GMEB2: variants seen among roughly 807,000 people sequenced by gnomAD.
GMEB2 encodes the protein glucocorticoid modulatory element binding protein 2.
A neutral mutation model predicts 45.7 loss-of-function variants in GMEB2; 7 were observed. That is an observed-to-expected ratio of 0.15 (90% confidence interval 0.09 to 0.29). GMEB2 has a LOEUF of 0.29. Among genes scored for constraint, GMEB2 ranks in the 10% least tolerant of loss-of-function variants. The pLI is 1.00. For synonymous variants in GMEB2, 322 were observed against 323.6 expected (o/e 1.00, Z 0.05); for missense variants, 582 against 739.2 (o/e 0.79, Z 2.47).
chr20:63,626,769 G>T (rs1168753625), intron 1 of GMEB2, among the ~76,000 whole-genome samples, 187 bp downstream of exon 1: 1 of 146,464 alleles, frequency 6.8e-6, no homozygotes, highest in African/African-American at 2.5e-5. Context: ...GCCACCGCCC[G>T]CGCCGCCCGC....
At chr20:63,599,379 G>A (rs950672100) in intron 4 of GMEB2, among the ~76,000 whole-genome samples, 1 of 152,248 alleles carries the variant, frequency 6.6e-6, no homozygotes, top group Non-Finnish European at 1.5e-5. Flanking sequence ...TCACAGCACA[G>A]CGCTTCCATC....
chr20:63,608,899 AC>A (rs1296304928), intron 2 of GMEB2, among the ~76,000 whole-genome samples: 1 of 22,118 alleles, frequency 4.5e-5, no homozygotes, highest in African/African-American at 9.7e-5. Flanking sequence ...TGCCCCTCTG[AC>A]CTCACCTCCA....
At chr20:63,607,317 T>C (rs1208366327) in intron 2 of GMEB2, among the ~76,000 whole-genome samples, 11 of 99,402 alleles carry the variant, frequency 1.1e-4, no homozygotes, top group East Asian at 2.5e-4. Flanking sequence ...CCTCCATTTC[T>C]AGAAACATGC....
chr20:63,595,721 C>T lies in GMEB2; in HGVS notation c.508G>A (p.Val170Ile), dbSNP rs577601878. Reference protein sequence around the residue: ...GELDFYQHDKVCSNTCRSTKI... With the variant: ...GELDFYQHDKICSNTCRSTKI... Reference sequence around the variant, plus strand: ...GTGCTGCGGCAGGTGTTGGAGCAGACCTTGTCATGCTGGTAGAAGTCCAGT... The same window carrying T: ...GTGCTGCGGCAGGTGTTGGAGCAGATCTTGTCATGCTGGTAGAAGTCCAGT... Residue 170 changes from valine to isoleucine, a missense_variant, in exon 6 of 10, where the codon GTC (valine) becomes ATC (isoleucine). Around this residue, in one of 3 missense-constraint regions of GMEB2, gnomAD observed 462 missense variants for 586.7 expected, o/e 0.79. Coordinates refer to ENST00000370077, the MANE Select transcript of GMEB2 (RefSeq NM_012384.5). The T allele has an allele frequency of 1.2e-6, 2 of 1,613,110 alleles. No individual in the cohort carries two copies. The highest frequency in any genetic ancestry group is 8.5e-7 in the Non-Finnish European group (1 of 1,179,084).
At chr20:63,626,293 C>T (rs2089671665) in intron 1 of GMEB2, among the ~76,000 whole-genome samples, 2 of 150,194 alleles carry the variant, frequency 1.3e-5, no homozygotes, top group Non-Finnish European at 3.0e-5. Flanking sequence ...GGTCGGGTGC[C>T]TGCGGGGTGG....
chr20:63,615,299 A>T (rs2089600295), intron 2 of GMEB2, among the ~76,000 whole-genome samples: 1 of 152,142 alleles, frequency 6.6e-6, no homozygotes, highest in Non-Finnish European at 1.5e-5. Context: ...CAACAGTAAA[A>T]GCCACTTTGC....
At chr20:63,603,365 A>C (rs2083255085) in intron 3 of GMEB2, among the ~76,000 whole-genome samples, 1 of 152,360 alleles carries the variant, frequency 6.6e-6, no homozygotes, top group East Asian at 1.9e-4. Context: ...AGGAAAATAA[A>C]ATCAAACTTT....
Position 63,602,951 on chromosome 20 carries a change from C to T in GMEB2, c.357+14G>A. The T allele has an allele frequency of 6.2e-7, 1 of 1,612,632 alleles. No individual in the cohort carries two copies. Among genetic ancestry groups the T allele is most frequent in the Non-Finnish European group, 8.5e-7 (1 of 1,178,980 alleles). On this transcript the variant is annotated intron_variant, in intron 4 of 9. Transcript: ENST00000370077. ...AGGCCTCTCTCCTGGGCCCTGAATG[C>T]AGCCTGTGCTCACCTGAACACATTT...
chr20:63,603,237 TGGGCA>T, intron 3 of GMEB2, 145 bp from the exon 4 acceptor site: 1 of 802,028 alleles, frequency 1.2e-6, no homozygotes, highest in Non-Finnish European at 2.0e-6. Flanking sequence ...AGAGCCAAGG[TGGGCA>T]GGGCATGCCC....
chr20:63,611,940 C>G (rs921625353), intron 2 of GMEB2, among the ~76,000 whole-genome samples: 5 of 152,096 alleles, frequency 3.3e-5, no homozygotes, highest in African/African-American at 1.2e-4. Context: ...TGTAGAGTCC[C>G]AGCTACTCAG....
At chr20:63,613,047 T>G (rs2089582440) in intron 2 of GMEB2, among the ~76,000 whole-genome samples, 2 of 151,704 alleles carry the variant, frequency 1.3e-5, no homozygotes, top group South Asian at 4.2e-4. Flanking sequence ...CTGCAAGCTC[T>G]GCCCCCCGGA....
intron 2 of GMEB2, among the ~76,000 whole-genome samples, chr20:63,613,215 C>T (rs1286524141): frequency 1.3e-5 from 2 of 152,232 alleles, no homozygotes. Flanking sequence ...CACTGTTCTT[C>T]AAAGAGTTAA....
At position 63,619,271 on chromosome 20, in the gene GMEB2, G is replaced by A. The variant is rs1278210612; in HGVS notation, c.127C>T (p.His43Tyr). 6.2e-7 allele frequency: 1 copy of A among 1,609,730 alleles called. No homozygotes were observed. The highest frequency in any genetic ancestry group is 8.5e-7 in the Non-Finnish European group (1 of 1,178,922). The part of the protein sequence containing the change: ...TVLVTTNLAP[H>Y]GGDLTEDNME... ...GGCACCGAGGCCCGAGCTTACCCGT[G>A]AGGGGCCAAGTTGGTCGTCACCAAC... The change falls in exon 2 of 10, where the codon CAC becomes TAC. Residue 43 changes from histidine to tyrosine, a missense_variant. His to Tyr is a moderately conservative substitution (Grantham distance 83, BLOSUM62 2). This residue lies in a region of GMEB2 where 114 missense variants were observed against 123.4 expected (regional missense o/e 0.92). Transcript: ENST00000370077. This position sits in a 1 kb window ranked among gnomAD's most constrained non-coding sequence, Gnocchi z 4.6.
chr20:63,592,779 G>T lies in GMEB2; in HGVS notation c.692-109C>A. 2.2e-6 allele frequency: 2 copies of T among 925,860 alleles called. No individual in the cohort carries two copies. The highest frequency in any genetic ancestry group is 1.8e-5 in the Admixed American group (1 of 54,924). The allele number at this position is 925,860 out of a possible 1,614,324, so 57.4% of individuals were successfully genotyped here. A position where few individuals can be genotyped will look rare whatever the true frequency, so the allele number is the denominator to read the frequency against. On this transcript the variant is annotated intron_variant, in intron 7 of 9. Coordinates refer to ENST00000370077, the MANE Select transcript of GMEB2 (RefSeq NM_012384.5). The surrounding 1 kb of genome is among the most constrained non-coding windows in gnomAD (Gnocchi z 8.2). ...GCCACGAGGACACCATGCCAGAGCC[G>T]GCAGCGCCTGGCACTGTGCTGGGCT...
Position 63,627,055 on chromosome 20 carries a change from T to C in GMEB2, c.-157A>G, listed in dbSNP as rs1273297691. 6.6e-6 allele frequency: 1 copy of C among 150,972 alleles called. No individual in the cohort carries two copies. The highest frequency in any genetic ancestry group is 1.5e-5 in the Non-Finnish European group (1 of 68,788). 9.4% of individuals were successfully genotyped at this position (150,972 alleles called of 1,614,324 possible). A position where few individuals can be genotyped will look rare whatever the true frequency, so the allele number is the denominator to read the frequency against. On this transcript the variant is annotated 5_prime_UTR_variant, in exon 1 of 10. Coordinates refer to ENST00000370077, the MANE Select transcript of GMEB2 (RefSeq NM_012384.5). ...GGCGGCGGCCGCGGGCTTCGCTCCTTGTTGGGGATTCGGCGGCGGCGGCGG... is the reference window on the plus strand; with the variant it reads ...GGCGGCGGCCGCGGGCTTCGCTCCTCGTTGGGGATTCGGCGGCGGCGGCGG...
rs988743842 is a variant in GMEB2 at position 63,589,283 on chromosome 20, GCCAC to G, written c.*802_*805del. On this transcript the variant is annotated 3_prime_UTR_variant, in exon 10 of 10. Coordinates refer to ENST00000370077, the MANE Select transcript of GMEB2 (RefSeq NM_012384.5). The stretch of plus-strand genomic sequence containing the variant: ...CAAGTGCACTCACAGGGGCTCAGGG[GCCAC>G]CCAAAGAGCTAACTCGGGAAGCCTA... The G allele has an allele frequency of 2.0e-5, 8 of 398,552 alleles. No homozygotes were observed. Among genetic ancestry groups the G allele is most frequent in the Non-Finnish European group, 3.5e-5 (8 of 226,078 alleles). 24.7% of individuals were successfully genotyped at this position (398,552 alleles called of 1,614,324 possible). A position where few individuals can be genotyped will look rare whatever the true frequency, so the allele number is the denominator to read the frequency against.
At chr20:63,591,639 T>C (rs1569047146) in intron 9 of GMEB2, among the ~76,000 whole-genome samples, 1 of 152,270 alleles carries the variant, frequency 6.6e-6, no homozygotes, top group East Asian at 1.9e-4. Flanking sequence ...TTGTTTTGTT[T>C]TTTTCAGCAG....
intron 2 of GMEB2, among the ~76,000 whole-genome samples, chr20:63,607,210 A>C (rs1452614124): frequency 6.3e-5 from 6 of 95,366 alleles, no homozygotes; most frequent in South Asian, 3.1e-4. Flanking sequence ...ACCCACCTCC[A>C]TTTCTAGAAA....
At chr20:63,599,232 TC>T (rs1352210478) in intron 4 of GMEB2, among the ~76,000 whole-genome samples, 3 of 150,822 alleles carry the variant, frequency 2.0e-5, no homozygotes, top group Non-Finnish European at 4.4e-5. Flanking sequence ...CGGAGCTAAC[TC>T]GGCCCGCTCC....
Sources: gnomAD v4.1 joint callset for allele counts (sites outside exome capture counted in the v4.1 genomes callset) on GRCh38, gnomAD v4.1.1 for gene constraint, gnomAD v4.1.1 regional missense constraint, Gnocchi (gnomAD v3.1) non-coding constraint, MANE v1.5 for transcripts, NCBI Gene and HGNC (gene_info 2026-07-23, HGNC 2026-07-21) for gene names.